ZBTB44: variants seen among roughly 807,000 people sequenced by gnomAD.
The protein encoded by ZBTB44 is zinc finger and BTB domain containing 44, also known as zinc finger and BTB domain-containing protein 44.
In ZBTB44, 15 loss-of-function variants were observed where a neutral mutation model predicts 54.0. That is an observed-to-expected ratio of 0.28 (90% CI 0.19 to 0.43). The LOEUF (loss-of-function observed/expected upper bound fraction) is 0.43. Ranked by LOEUF, ZBTB44 falls within the 20% of genes least tolerant of loss-of-function variation. The pLI is 1.00. For missense variants in ZBTB44, 487 were observed against 707.1 expected (o/e 0.69, Z 3.53); for synonymous variants, 230 against 250.1 (o/e 0.92, Z 0.76).
At chr11:130,245,291 T>C (rs200714247) in intron 2 of ZBTB44, among the ~76,000 whole-genome samples, 1 of 152,228 alleles carries the variant, frequency 6.6e-6, no homozygotes, top group East Asian at 1.9e-4. Context: ...TTCTGACTTG[T>C]TTTTAATCCA....
At chr11:130,249,129 G>C (rs891716686) in intron 2 of ZBTB44, among the ~76,000 whole-genome samples, 1 of 152,082 alleles carries the variant, frequency 6.6e-6, no homozygotes, top group Non-Finnish European at 1.5e-5. Context: ...TATCATAAAG[G>C]CAAAACCTGA....
At chr11:130,273,098 G>C (rs150963082) in intron 1 of ZBTB44, among the ~76,000 whole-genome samples, 5 of 152,126 alleles carry the variant, frequency 3.3e-5, no homozygotes, top group African/African-American at 1.2e-4. Flanking sequence ...CAAGGATTCT[G>C]ATAGGAACTG....
intron 1 of ZBTB44, among the ~76,000 whole-genome samples, chr11:130,312,663 AG>A (rs773394988): frequency 1.3e-5 from 2 of 152,184 alleles, no homozygotes; most frequent in Non-Finnish European, 2.9e-5. Context: ...CCCTGCAAAA[AG>A]AAGAGGGGAT....
chr11:130,278,898 T>C (rs777642713), intron 1 of ZBTB44, among the ~76,000 whole-genome samples: 8 of 152,188 alleles, frequency 5.3e-5, no homozygotes, highest in Non-Finnish European at 1.2e-4. Flanking sequence ...TTTGAAGTCT[T>C]TTCTGTTAAA....
At chr11:130,288,177 A>T (rs562205111) in intron 1 of ZBTB44, among the ~76,000 whole-genome samples, 7 of 152,060 alleles carry the variant, frequency 4.6e-5, no homozygotes, top group African/African-American at 1.7e-4. Flanking sequence ...GTTCAAGACC[A>T]GCCTGGCCAA....
intron 1 of ZBTB44, among the ~76,000 whole-genome samples, chr11:130,275,915 C>T (rs1276573946): frequency 1.3e-5 from 2 of 151,590 alleles, no homozygotes; most frequent in African/African-American, 4.8e-5. Flanking sequence ...CATGAGCCAC[C>T]GCGCCAGGTC....
At chr11:130,302,099 T>C (rs78158703) in intron 1 of ZBTB44, among the ~76,000 whole-genome samples, 6,194 of 152,088 alleles carry the variant, frequency 0.041, 313 homozygotes, top group African/African-American at 0.12. Flanking sequence ...TAGTTAATAC[T>C]TACATAGTAC....
At chr11:130,282,718 A>G (rs1940618875) in intron 1 of ZBTB44, among the ~76,000 whole-genome samples, 1 of 152,228 alleles carries the variant, frequency 6.6e-6, no homozygotes, top group Non-Finnish European at 1.5e-5. Context: ...ATTTTGAGTA[A>G]GAGTGGCTAC....
At chr11:130,238,342 T>G in intron 4 of ZBTB44, 102 bp downstream of exon 4, 1 of 1,367,900 alleles carries the variant, frequency 7.3e-7, no homozygotes, top group Non-Finnish European at 9.6e-7. Flanking sequence ...TCCCAGAGTT[T>G]TTTTTAAAAC....
chr11:130,308,598 G>C (rs1413980644), intron 1 of ZBTB44, among the ~76,000 whole-genome samples: 1 of 152,158 alleles, frequency 6.6e-6, no homozygotes, highest in Non-Finnish European at 1.5e-5. Flanking sequence ...CATACAGAAA[G>C]GGCATAACAA....
Position 130,229,998 on chromosome 11 carries a change from G to C in ZBTB44, c.*1766C>G, listed in dbSNP as rs1274326311. The C allele has an allele frequency of 2.6e-5, 4 of 151,986 alleles. No individual in the cohort carries two copies. The highest frequency in any genetic ancestry group is 5.9e-5 in the Non-Finnish European group (4 of 67,936). The allele number at this position is 151,986 out of a possible 1,614,324, so 9.4% of individuals were successfully genotyped here. ...GACTGAAACAAAGTAACATATGAAA[G>C]TTTCTAATTCTTTTGTTCATTCCAC... On this transcript the variant is annotated 3_prime_UTR_variant, in exon 8 of 8. Coordinates refer to ENST00000357899, the MANE Select transcript of ZBTB44 (RefSeq NM_001301098.2).
intron 1 of ZBTB44, among the ~76,000 whole-genome samples, chr11:130,266,360 C>A (rs930796791): frequency 1.3e-5 from 2 of 152,196 alleles, no homozygotes; most frequent in African/African-American, 4.8e-5. Context: ...CATCGAGGAG[C>A]TCTGATGAGG....
intron 1 of ZBTB44, among the ~76,000 whole-genome samples, chr11:130,301,869 C>T (rs1942005783): frequency 6.6e-6 from 1 of 151,792 alleles, no homozygotes; most frequent in African/African-American, 2.4e-5. Flanking sequence ...TGCAACATGG[C>T]AAAACCCCAT....
chr11:130,251,975 C>G (rs980269108), intron 2 of ZBTB44, among the ~76,000 whole-genome samples: 3 of 152,066 alleles, frequency 2.0e-5, no homozygotes, highest in Non-Finnish European at 4.4e-5. Flanking sequence ...CACAGACTGG[C>G]AAACTGGATA....
intron 4 of ZBTB44, 47 bp from the exon 5 acceptor site, chr11:130,237,140 A>G (rs1954139680): frequency 1.4e-6 from 2 of 1,447,244 alleles, no homozygotes; most frequent in Non-Finnish European, 9.1e-7. Context: ...AATAAACTGA[A>G]AAGTCATAAA....
At chr11:130,256,544 C>G (rs546566259) in intron 2 of ZBTB44, among the ~76,000 whole-genome samples, 1 of 152,140 alleles carries the variant, frequency 6.6e-6, no homozygotes, top group South Asian at 2.1e-4. Context: ...GGTGTGGTGG[C>G]ATGCGTCTGT....
intron 1 of ZBTB44, among the ~76,000 whole-genome samples, chr11:130,269,812 G>A (rs1939539886): frequency 1.3e-5 from 2 of 152,042 alleles, no homozygotes; most frequent in South Asian, 2.1e-4. Context: ...CTGAAAAACA[G>A]GAATCATAGA....
intron 1 of ZBTB44, among the ~76,000 whole-genome samples, chr11:130,264,232 A>G (rs1055359082): frequency 1.8e-4 from 28 of 152,378 alleles, no homozygotes; most frequent in African/African-American, 6.3e-4. Context: ...AATCAATGCT[A>G]TAGAAACATT....
chr11:130,257,367 G>A (rs1418527199), intron 2 of ZBTB44, among the ~76,000 whole-genome samples: 1 of 152,136 alleles, frequency 6.6e-6, no homozygotes, highest in East Asian at 1.9e-4. Context: ...ATTAGGGTGG[G>A]ACCTGAATCC....
Sources: gnomAD v4.1 joint callset for allele counts (sites outside exome capture counted in the v4.1 genomes callset) on GRCh38, gnomAD v4.1.1 for gene constraint, MANE v1.5 for transcripts, NCBI Gene and HGNC (gene_info 2026-07-23, HGNC 2026-07-21) for gene names.